The following GPD2 variants were observed in gnomAD, a reference collection of about 807,000 sequenced individuals.
GPD2 encodes the protein glycerol-3-phosphate dehydrogenase 2, also known as glycerol-3-phosphate dehydrogenase, mitochondrial.
In GPD2, 54 loss-of-function variants were observed where a neutral mutation model predicts 82.4. That is an observed-to-expected ratio of 0.66 (90% CI 0.53 to 0.82). The LOEUF (loss-of-function observed/expected upper bound fraction) is 0.82. GPD2 is among the 40% of genes least tolerant of loss of function. GPD2 has a pLI of 0.00. For synonymous variants in GPD2, 288 were observed against 306.1 expected (o/e 0.94, Z 0.62); for missense variants, 748 against 896.2 (o/e 0.83, Z 2.11).
At position 156,513,355 on chromosome 2, in the gene GPD2, T is replaced by C. The variant is rs111983741; in HGVS notation, c.520T>C (p.Trp174Arg). 2 of 1,611,696 alleles carry C rather than the reference T, an allele frequency of 1.2e-6. No homozygotes were observed. The highest frequency in any genetic ancestry group is 1.7e-6 in the Non-Finnish European group (2 of 1,179,098). Residue 174 changes from tryptophan (W) to arginine (R), a missense_variant, in exon 6 of 17, where the codon TGG becomes CGG. Transcript: ENST00000438166. ...TAGGTGGTGGCAGTTACCTTACTAC[T>C]GGGTAGGAATCAAGCTGTATGATTT... ...VYKWWQLPYYWVGIKLYDLVA... is the reference protein window; with the variant it reads ...VYKWWQLPYYRVGIKLYDLVA...
At chr2:156,486,278 A>C (rs1683934545) in intron 2 of GPD2, among the ~76,000 whole-genome samples, 1 of 152,224 alleles carries the variant, frequency 6.6e-6, no homozygotes, top group African/African-American at 2.4e-5. Flanking sequence ...GTTATAACTC[A>C]CATCAGGCCT....
rs543613599 is a variant in GPD2 at position 156,446,514 on chromosome 2, T to C, written c.-9+10001T>C. The stretch of plus-strand genomic sequence containing the variant: ...TTGGCACATGTAGTCTAGCTGCAAG[T>C]CCAGGAAGAAGAGAATATGCATTTT... On this transcript the variant is annotated intron_variant, in intron 1 of 16. Coordinates refer to ENST00000438166, the MANE Select transcript of GPD2 (RefSeq NM_000408.5). 1.1e-4 allele frequency among the ~76,000 whole-genome samples: 16 copies of C among 152,222 alleles called. No individual in the cohort carries two copies. The South Asian group carries it at 3.1e-3, about 30-fold the overall frequency.
chr2:156,473,585 A>G (rs965292323), intron 1 of GPD2: 20 of 152,212 alleles, frequency 1.3e-4, no homozygotes, highest in Admixed American at 1.2e-3. Flanking sequence ...CACAACACTC[A>G]TATCCTAGGG....
chr2:156,539,005 T>C (rs1375143406), intron 6 of GPD2, among the ~76,000 whole-genome samples: 1 of 152,164 alleles, frequency 6.6e-6, no homozygotes, highest in Non-Finnish European at 1.5e-5. Context: ...TCATTTCATC[T>C]TTTAGAGTCT....
chr2:156,405,537 A>T, the GPD2 span, among the ~76,000 whole-genome samples: 1 of 152,210 alleles, frequency 6.6e-6, no homozygotes, highest in South Asian at 2.1e-4. Flanking sequence ...GCAGAGCCCC[A>T]CTTCTTTTGC....
the GPD2 span, among the ~76,000 whole-genome samples, chr2:156,420,296 C>A: frequency 6.6e-6 from 1 of 152,196 alleles, no homozygotes; most frequent in African/African-American, 2.4e-5. Flanking sequence ...CTCAGCCTCC[C>A]TAGTGGCTGG....
intron 3 of GPD2, among the ~76,000 whole-genome samples, chr2:156,497,647 TACACACAC>T (rs373024487): frequency 6.6e-6 from 1 of 151,648 alleles, no homozygotes; most frequent in Non-Finnish European, 1.5e-5. Context: ...TAATGAGGTC[TACACACAC>T]ACACACAAAA....
At chr2:156,481,649 T>G (rs1558920051) in intron 2 of GPD2, among the ~76,000 whole-genome samples, 2 of 143,284 alleles carry the variant, frequency 1.4e-5, no homozygotes, top group Non-Finnish European at 3.1e-5. Context: ...ATTCTTTTTC[T>G]TTTTTTTTTT....
intron 9 of GPD2, among the ~76,000 whole-genome samples, chr2:156,564,563 A>G (rs1687299366): frequency 6.6e-6 from 1 of 152,090 alleles, no homozygotes. Flanking sequence ...CTGAGGAGTC[A>G]TTACTGAATG....
chr2:156,455,936 A>G (rs1682775206), intron 1 of GPD2, among the ~76,000 whole-genome samples: 1 of 152,168 alleles, frequency 6.6e-6, no homozygotes, highest in African/African-American at 2.4e-5. Context: ...TGAAATCTAA[A>G]TTATATATTT....
At chr2:156,515,886 T>C (rs1008116231) in intron 6 of GPD2, among the ~76,000 whole-genome samples, 2 of 152,234 alleles carry the variant, frequency 1.3e-5, no homozygotes, top group African/African-American at 4.8e-5. Context: ...TTTGTGGTTT[T>C]ACAACTATAT....
At chr2:156,459,702 A>AAAAAAAAAAAAAAAAAAC (rs1682920559) in intron 1 of GPD2, among the ~76,000 whole-genome samples, 1 of 149,572 alleles carries the variant, frequency 6.7e-6, no homozygotes, top group African/African-American at 2.5e-5. Flanking sequence ...AAAAAAAAAA[A>AAAAAAAAAAAAAAAAAAC]AAAAAAAGAA....
chr2:156,463,600 G>A (rs376335188), intron 1 of GPD2, among the ~76,000 whole-genome samples: 1 of 152,152 alleles, frequency 6.6e-6, no homozygotes, highest in East Asian at 1.9e-4. Context: ...GTTGGAGTGA[G>A]GATCAGCAAG....
In GPD2 at chr2:156,535,802, A is replaced by G. The variant is rs183438642; in HGVS notation, c.662-13806A>G. Among the ~76,000 whole-genome samples the G allele has an allele frequency of 3.3e-5, 5 of 152,352 alleles. No individual in the cohort carries two copies. The East Asian group carries it at 7.7e-4, about 23-fold the overall frequency. ...TTTATGTCAGCATTTTGGAAAGAAT[A>G]TCAGTCTTTAAAGCGGTGTTAGAGA... On this transcript the variant is annotated intron_variant, in intron 6 of 16. Coordinates refer to ENST00000438166, the MANE Select transcript of GPD2 (RefSeq NM_000408.5).
At chr2:156,541,824 GTTTTTTTTTT>G (rs61067726) in intron 6 of GPD2, among the ~76,000 whole-genome samples, 1 of 81,468 alleles carries the variant, frequency 1.2e-5, no homozygotes, top group South Asian at 4.7e-4. Flanking sequence ...AATGCTGTTT[GTTTTTTTTTT>G]TTTTTTTTTT....
the GPD2 span, among the ~76,000 whole-genome samples, chr2:156,416,036 C>A: frequency 3.9e-3 from 372 of 96,376 alleles, 38 homozygotes; most frequent in East Asian, 0.035. Context: ...AAAAAAAAAA[C>A]AAAAACAAAA....
At chr2:156,403,947 T>C in the GPD2 span, among the ~76,000 whole-genome samples, 1 of 152,152 alleles carries the variant, frequency 6.6e-6, no homozygotes, top group Admixed American at 6.5e-5. Flanking sequence ...GAGTGTATAG[T>C]TTGGGTTGTC....
chr2:156,507,105 C>T (rs1368212278), intron 3 of GPD2, among the ~76,000 whole-genome samples: 1 of 151,978 alleles, frequency 6.6e-6, no homozygotes, highest in Non-Finnish European at 1.5e-5. Context: ...CCTCCGCCTC[C>T]TGGGTTCAAG....
Position 156,584,882 on chromosome 2 carries a change from TTCTC to T in GPD2, c.*1966_*1969del, listed in dbSNP as rs1002784529. 4 of 152,262 alleles carry T rather than the reference TTCTC, an allele frequency of 2.6e-5. No individual in the cohort carries two copies. Among genetic ancestry groups the T allele is most frequent in the Non-Finnish European group, 4.4e-5 (3 of 67,928 alleles). The allele number at this position is 152,262 out of a possible 1,614,324, so 9.4% of individuals were successfully genotyped here. On this transcript the variant is annotated 3_prime_UTR_variant, in exon 17 of 17. Coordinates refer to ENST00000438166, the MANE Select transcript of GPD2 (RefSeq NM_000408.5). The stretch of plus-strand genomic sequence containing the variant: ...GCTCTCTCTCTCTGTTTTTCTCTCT[TTCTC>T]TTTCTAGTTAGATCAAGATAACGAT...
Sources: allele counts gnomAD v4.1 joint callset (sites outside exome capture counted in the v4.1 genomes callset), GRCh38; gene constraint gnomAD v4.1.1; transcripts MANE v1.5; gene names NCBI Gene and HGNC (gene_info 2026-07-23, HGNC 2026-07-21).